ANK1: variants seen among roughly 807,000 people sequenced by gnomAD.
ANK1 encodes the protein ankyrin 1.
Under a neutral mutation model 210.4 loss-of-function variants are expected in ANK1, and 51 were observed. That is an observed-to-expected ratio of 0.24 (90% CI 0.19 to 0.31). The LOEUF is 0.31. ANK1 is among the 10% of genes least tolerant of loss of function. The pLI is 1.00. For missense variants in ANK1, 2,051 were observed against 2,504.4 expected (o/e 0.82, Z 3.86); for synonymous variants, 967 against 1,025.9 (o/e 0.94, Z 1.10).
chr8:41,889,535 G>T (rs1819036978), intron 1 of ANK1, among the ~76,000 whole-genome samples: 1 of 152,226 alleles, frequency 6.6e-6, no homozygotes, highest in Non-Finnish European at 1.5e-5. Context: ...AAATGAGAAG[G>T]AAAGAATGGT....
chr8:41,889,459 T>A (rs540941521), intron 1 of ANK1, among the ~76,000 whole-genome samples: 1 of 152,198 alleles, frequency 6.6e-6, no homozygotes, highest in South Asian at 2.1e-4. Flanking sequence ...CAATTGGACA[T>A]GTACTATTTC....
chr8:41,770,828 C>A (rs568626664), intron 1 of ANK1, among the ~76,000 whole-genome samples: 1 of 152,292 alleles, frequency 6.6e-6, no homozygotes, highest in East Asian at 1.9e-4. Flanking sequence ...AGGGAGAGAG[C>A]CCTTGAAACA....
chr8:41,725,192 C>T (rs888691012), intron 6 of ANK1, among the ~76,000 whole-genome samples: 5 of 152,210 alleles, frequency 3.3e-5, no homozygotes, highest in Non-Finnish European at 7.3e-5. Context: ...CCAGACAAAA[C>T]CCGGTGGATC....
At chr8:41,760,220 A>G (rs1439077629) in intron 1 of ANK1, among the ~76,000 whole-genome samples, 1 of 152,148 alleles carries the variant, frequency 6.6e-6, no homozygotes, top group Non-Finnish European at 1.5e-5. Context: ...TCTCATCTTG[A>G]ATTGTAGCTC....
At chr8:41,838,680 G>T (rs555748665) in intron 1 of ANK1, among the ~76,000 whole-genome samples, 2 of 151,688 alleles carry the variant, frequency 1.3e-5, no homozygotes, top group African/African-American at 2.4e-5. Context: ...CAGGAGAATC[G>T]CTTGAACCCG....
intron 37 of ANK1, among the ~76,000 whole-genome samples, chr8:41,683,585 C>T (rs185784804): frequency 1.8e-4 from 27 of 152,318 alleles, no homozygotes; most frequent in African/African-American, 6.3e-4. Flanking sequence ...TCCAGGGTGA[C>T]GCGTCAGCCA....
rs764019715 is a variant in ANK1 at position 41,728,001 on chromosome 8, C to G, written c.234G>C (p.Gly78=). 3 of 1,614,054 alleles carry G rather than the reference C, an allele frequency of 1.9e-6. No individual in the cohort carries two copies. Among genetic ancestry groups the G allele is most frequent in the Admixed American group, 3.3e-5 (2 of 60,022 alleles). The change falls in exon 4 of 43, where the codon GGG becomes GGC. Residue 78 remains glycine (G), a synonymous_variant. Transcript: ENST00000289734. The stretch of plus-strand genomic sequence containing the variant: ...GAGCAGCGATGTGCAGGGCCGTGTT[C>G]CCCTTCTGAAACACATGGGGGAAGG... ...EIILETTTKK[G]NTALHIAALA...
chr8:41,789,073 C>T (rs1470104035), intron 1 of ANK1: 1 of 152,266 alleles, frequency 6.6e-6, no homozygotes, highest in African/African-American at 2.4e-5. Context: ...CTGGCACACT[C>T]TCTTGCTTTC....
intron 2 of ANK1, among the ~76,000 whole-genome samples, chr8:41,741,141 C>A (rs981368810): frequency 6.6e-6 from 1 of 152,128 alleles, no homozygotes; most frequent in Non-Finnish European, 1.5e-5. Flanking sequence ...GGAGGGGAGG[C>A]CTGTTTTATT....
At chr8:41,723,877 C>T (rs368481241) in intron 7 of ANK1, among the ~76,000 whole-genome samples, 5 of 151,358 alleles carry the variant, frequency 3.3e-5, no homozygotes, top group South Asian at 2.1e-4. Context: ...GCAAGCTCCG[C>T]CTCCCGGGTT....
chr8:41,686,445 A>G (rs866591011), intron 35 of ANK1, among the ~76,000 whole-genome samples, 162 bp from the exon 36 acceptor site: 2 of 152,314 alleles, frequency 1.3e-5, no homozygotes, highest in Middle Eastern at 3.4e-3. Context: ...CCTTCTTATC[A>G]AGAAATTCCT....
chr8:41,723,697 C>T, intron 7 of ANK1, 64 bp from the exon 8 acceptor site: 5 of 1,467,034 alleles, frequency 3.4e-6, no homozygotes, highest in Admixed American at 3.5e-5. Flanking sequence ...CTGCTGTGCA[C>T]CCGCTCCCCT....
chr8:41,803,193 GA>G (rs201552803), intron 1 of ANK1, among the ~76,000 whole-genome samples: 2,112 of 148,234 alleles, frequency 0.014, 29 homozygotes, highest in Non-Finnish European at 0.02. Flanking sequence ...GAGAGAGAGA[GA>G]AAAAAAAAGC....
intron 1 of ANK1, among the ~76,000 whole-genome samples, chr8:41,846,982 C>T (rs577305079): frequency 2.0e-5 from 3 of 152,324 alleles, no homozygotes; most frequent in African/African-American, 7.2e-5. Context: ...CCATTACCAT[C>T]GCCTCTCATG....
At chr8:41,872,363 G>A (rs191786983) in intron 1 of ANK1, among the ~76,000 whole-genome samples, 9 of 152,218 alleles carry the variant, frequency 5.9e-5, no homozygotes, top group African/African-American at 2.4e-5. Flanking sequence ...CTAAGGCGAG[G>A]CCTCTGTGCA....
At chr8:41,802,852 G>A (rs549855095) in intron 1 of ANK1, among the ~76,000 whole-genome samples, 49 of 146,600 alleles carry the variant, frequency 3.3e-4, no homozygotes, top group African/African-American at 1.1e-3. Context: ...CATTGAGGCC[G>A]CAGTGAGCGA....
At chr8:41,853,735 C>CTTATT (rs750562289) in intron 1 of ANK1, among the ~76,000 whole-genome samples, 2 of 151,930 alleles carry the variant, frequency 1.3e-5, no homozygotes, top group Non-Finnish European at 2.9e-5. Flanking sequence ...TGGGATTTTA[C>CTTATT]TTATTTTATT....
chr8:41,765,291 C>T (rs985434383), intron 1 of ANK1, among the ~76,000 whole-genome samples: 2 of 151,348 alleles, frequency 1.3e-5, no homozygotes, highest in Non-Finnish European at 2.9e-5. Context: ...AGAGTGGTCC[C>T]CCAGTGGTGC....
intron 9 of ANK1, 47 bp from the exon 10 acceptor site, chr8:41,719,905 C>T (rs770903496): frequency 3.1e-6 from 5 of 1,596,580 alleles, no homozygotes; most frequent in Middle Eastern, 1.7e-4. Flanking sequence ...TTCTGGGGAC[C>T]GAGCATGGAG....
Sources: allele counts gnomAD v4.1 joint callset (sites outside exome capture counted in the v4.1 genomes callset), GRCh38; gene constraint gnomAD v4.1.1; transcripts MANE v1.5; gene names NCBI Gene and HGNC (gene_info 2026-07-23, HGNC 2026-07-21).